The following CSMD2 variants were observed in gnomAD, a reference collection of about 807,000 sequenced individuals.
CSMD2 encodes CUB and sushi domain-containing protein 2.
Under a neutral mutation model 398.5 loss-of-function variants are expected in CSMD2, and 130 were observed. The ratio of observed to expected loss-of-function variants is 0.33; its 90% CI spans 0.28 to 0.38. The LOEUF (loss-of-function observed/expected upper bound fraction) is 0.38. Among genes scored for constraint, CSMD2 ranks in the 10% least tolerant of loss-of-function variants. The probability of loss-of-function intolerance (pLI) is 1.00; values close to 1 mark genes in which losing one functional copy is unlikely to be tolerated. For missense variants in CSMD2, 3,829 were observed against 4,764.9 expected, an observed-to-expected ratio of 0.80 and a Z score of 5.78; for synonymous variants, 1,828 against 1,908.5, an observed-to-expected ratio of 0.96 and a Z score of 1.10.
chr1:33,627,221 C>T (rs751309044), intron 32 of CSMD2, among the ~76,000 whole-genome samples: 8 of 152,184 alleles, frequency 5.3e-5, no homozygotes, highest in Non-Finnish European at 7.3e-5. Context: ...GCCAATAACA[C>T]ACAAACTGGG....
In CSMD2 at chr1:33,533,676, C is replaced by T. The variant is rs778070808; in HGVS notation, c.9991+120G>A. 3.1e-5 allele frequency: 21 copies of T among 670,136 alleles called. No homozygotes were observed. The highest frequency in any genetic ancestry group is 2.4e-4 in the South Asian group (13 of 54,868). The allele number at this position is 670,136 out of a possible 1,614,324, so 41.5% of individuals were successfully genotyped here. ...CAAAGTGTAAGGACTACAAAGAGAC[C>T]GATGTCGGTTCGCATGGGGAGTTGT... On this transcript the variant is annotated intron_variant, in intron 63 of 70. Coordinates refer to ENST00000373381, the MANE Select transcript of CSMD2 (RefSeq NM_001281956.2). The surrounding 1 kb of genome is among the most constrained non-coding windows in gnomAD (Gnocchi z 4.2).
chr1:33,802,376 T>C (rs898124871), intron 10 of CSMD2, among the ~76,000 whole-genome samples: 2 of 152,348 alleles, frequency 1.3e-5, no homozygotes, highest in Admixed American at 1.3e-4. Flanking sequence ...CTGTAAGTTC[T>C]TCCTGTTCCC....
intron 5 of CSMD2, among the ~76,000 whole-genome samples, chr1:33,853,119 A>G (rs926295501): frequency 1.3e-5 from 2 of 152,250 alleles, no homozygotes; most frequent in Admixed American, 1.3e-4. Flanking sequence ...TTAAGCATAC[A>G]TTTATTTGCC....
intron 46 of CSMD2, among the ~76,000 whole-genome samples, chr1:33,586,151 A>G (rs1041886366): frequency 6.6e-6 from 1 of 152,262 alleles, no homozygotes; most frequent in Non-Finnish European, 1.5e-5. Flanking sequence ...TCAGTAAAGC[A>G]GGGATGGTGT....
At chr1:34,111,135 G>A (rs1488669978) in intron 1 of CSMD2, among the ~76,000 whole-genome samples, 1 of 152,146 alleles carries the variant, frequency 6.6e-6, no homozygotes, top group African/African-American at 2.4e-5. Context: ...TGCGTCCCAA[G>A]TGCCTAGAAC....
intron 2 of CSMD2, among the ~76,000 whole-genome samples, chr1:34,043,519 G>A (rs1482883579): frequency 6.6e-6 from 1 of 152,168 alleles, no homozygotes; most frequent in Admixed American, 6.5e-5. Flanking sequence ...CCTTCTTGAT[G>A]GTAAGTCTCT....
intron 2 of CSMD2, among the ~76,000 whole-genome samples, chr1:34,064,644 TTC>T (rs1022632856): frequency 6.6e-6 from 1 of 152,184 alleles, no homozygotes; most frequent in Admixed American, 6.5e-5. Context: ...TCTTGTCTTC[TTC>T]TGAGCCCTCC....
intron 3 of CSMD2, among the ~76,000 whole-genome samples, chr1:33,947,619 C>A (rs1400981023): frequency 6.6e-6 from 1 of 152,090 alleles, no homozygotes; most frequent in Non-Finnish European, 1.5e-5. Context: ...ACAGAGGGGC[C>A]CAAAGAGGAA....
intron 9 of CSMD2, chr1:33,813,258 A>T (rs565910699): frequency 1.3e-5 from 2 of 152,326 alleles, no homozygotes; most frequent in Admixed American, 1.3e-4. Context: ...TAATTAAAAT[A>T]TTACAGTCTG....
chr1:34,162,299 G>A (rs181624881), intron 1 of CSMD2, among the ~76,000 whole-genome samples: 2 of 152,098 alleles, frequency 1.3e-5, no homozygotes, highest in Admixed American at 6.5e-5. Context: ...GACTAAAGGG[G>A]TTGAGGGGAG....
intron 7 of CSMD2, among the ~76,000 whole-genome samples, chr1:33,820,900 C>T (rs974163109): frequency 2.0e-5 from 3 of 152,158 alleles, no homozygotes; most frequent in Non-Finnish European, 4.4e-5. Context: ...CTCCCCCCAC[C>T]ACGCCTATGC....
chr1:33,732,667 C>T (rs181625443), intron 15 of CSMD2, among the ~76,000 whole-genome samples: 117 of 152,350 alleles, frequency 7.7e-4, no homozygotes, highest in African/African-American at 2.4e-3. Flanking sequence ...CACTGTGTTA[C>T]GGCAGCCCAG....
intron 10 of CSMD2, chr1:33,804,916 T>C: frequency 1.4e-6 from 1 of 717,052 alleles, no homozygotes. Context: ...AGGATAGGGT[T>C]CTCTTCAGCC....
chr1:33,753,744 A>C (rs894202581), intron 13 of CSMD2, among the ~76,000 whole-genome samples: 5 of 152,276 alleles, frequency 3.3e-5, no homozygotes, highest in African/African-American at 9.6e-5. Flanking sequence ...CAGCTGTCCA[A>C]GGCCTTGGGA....
At chr1:33,585,148 G>T (rs897141738) in intron 46 of CSMD2, among the ~76,000 whole-genome samples, 6 of 152,202 alleles carry the variant, frequency 3.9e-5, no homozygotes. Context: ...GACAATAGTT[G>T]TAAGTATTCT....
Position 33,632,709 on chromosome 1 carries a change from C to A in CSMD2, c.5200+713G>T, listed in dbSNP as rs966026535. 5.3e-5 allele frequency among the ~76,000 whole-genome samples: 8 copies of A among 152,220 alleles called. No homozygotes were observed. The South Asian group carries it at 1.7e-3, about 32-fold the overall frequency. ...AATCTGCATAAAAAGCCTTAAAGAT[C>A]TCACATATCCTTTAACTTGACAATT... On this transcript the variant is annotated intron_variant, in intron 32 of 70. Coordinates refer to ENST00000373381, the MANE Select transcript of CSMD2 (RefSeq NM_001281956.2).
rs762818620 is a variant in CSMD2, at chr1:33,819,694, T to C, written c.1324+19A>G. 4.3e-6 allele frequency: 7 copies of C among 1,611,250 alleles called. No homozygotes were observed. The South Asian group carries it at 4.4e-5, about 10-fold the overall frequency. On this transcript the variant is annotated intron_variant, in intron 9 of 70. Coordinates refer to ENST00000373381, the MANE Select transcript of CSMD2 (RefSeq NM_001281956.2). ...AGCCCAACTCTCTGGCCAGCCTCCC[T>C]TCCCCAGGGCACCCTCACCTCGGCA...
At chr1:33,660,965 TG>T (rs1481821795) in intron 26 of CSMD2, among the ~76,000 whole-genome samples, 1 of 152,100 alleles carries the variant, frequency 6.6e-6, no homozygotes, top group Admixed American at 6.5e-5. Context: ...CAGGGTGCCG[TG>T]GGCTATAGCA....
chr1:33,820,020 T>G (rs934022446), intron 8 of CSMD2, among the ~76,000 whole-genome samples, 183 bp from the exon 9 acceptor site: 2 of 152,236 alleles, frequency 1.3e-5, no homozygotes, highest in African/African-American at 4.8e-5. Context: ...TCTTCTTTTT[T>G]CGGACTGTTT....
Sources: allele counts gnomAD v4.1 joint callset (sites outside exome capture counted in the v4.1 genomes callset), GRCh38; gene constraint gnomAD v4.1.1; non-coding constraint Gnocchi (gnomAD v3.1); transcripts MANE v1.5; gene names NCBI Gene and HGNC (gene_info 2026-07-23, HGNC 2026-07-21).